The following SLC2A3 variants were observed in gnomAD, a reference collection of about 807,000 sequenced individuals.
The protein encoded by SLC2A3 is solute carrier family 2 member 3.
A neutral mutation model predicts 46.4 loss-of-function variants in SLC2A3; 21 were observed. The observed-to-expected ratio is 0.45, with a 90% confidence interval of 0.32 to 0.65. The LOEUF (loss-of-function observed/expected upper bound fraction) is 0.65. SLC2A3 is among the 30% of genes least tolerant of loss of function. SLC2A3 has a pLI of 0.04. For synonymous variants in SLC2A3, 213 were observed against 239.4 expected (o/e 0.89, Z 1.02); for missense variants, 499 against 623.3 (o/e 0.80, Z 2.12).
chr12:7,924,283 A>G, intron 8 of SLC2A3, 127 bp downstream of exon 8: 2 of 1,525,354 alleles, frequency 1.3e-6, no homozygotes. Flanking sequence ...AACTCTGGGC[A>G]TCCTGCTTCT....
Position 7,921,362 on chromosome 12 carries a change from G to C in SLC2A3, c.*51C>G. ...ATCCTGATGAGGTCTCTCCCTTGTT[G>C]AGGGAGAGGTGGCTTTCCCATGCCG... On this transcript the variant is annotated 3_prime_UTR_variant, in exon 10 of 10. Coordinates refer to ENST00000075120, the MANE Select transcript of SLC2A3 (RefSeq NM_006931.3). The C allele has an allele frequency of 6.2e-7, 1 of 1,613,452 alleles. No homozygotes were observed. Among genetic ancestry groups the C allele is most frequent in the South Asian group, 1.1e-5 (1 of 91,048 alleles).
In SLC2A3 at chr12:7,922,956, A is replaced by G; in HGVS notation, c.1137T>C (p.Ile379=). The G allele has an allele frequency of 6.2e-7, 1 of 1,614,140 alleles. No homozygotes were observed. Among genetic ancestry groups the G allele is most frequent in the Non-Finnish European group, 8.5e-7 (1 of 1,180,020 alleles). ...TAAACCAGGGAATGGGGCCTGGTCC[A>G]ATTTCAAAGAAGGCTACAAAGACCA... ...AILVFVAFFE[I]GPGPIPWFIV... is the part of the protein sequence containing the mutation. The change falls in exon 9 of 10, where the codon ATT becomes ATC. Residue 379 remains isoleucine, a synonymous_variant. Coordinates refer to ENST00000075120, the MANE Select transcript of SLC2A3 (RefSeq NM_006931.3).
Position 7,925,875 on chromosome 12 carries a change from C to G in SLC2A3, c.935G>C (p.Gly312Ala). The change falls in exon 7 of 10, where the codon GGT becomes GCT. Residue 312 changes from glycine (G) to alanine (A), a missense_variant. This residue lies in a region of SLC2A3 where 65 missense variants were observed against 88.4 expected (regional missense o/e 0.74). Coordinates refer to ENST00000075120, the MANE Select transcript of SLC2A3 (RefSeq NM_006931.3). ...QEPIYATIGA[G>A]VVNTIFTVVS... ...TACAGTGAAGATAGTATTAACCACA[C>G]CCGCGCCGATGGTGGCATAGATGGG... 6.2e-7 allele frequency: 1 copy of G among 1,613,674 alleles called. No individual in the cohort carries two copies.
At position 7,936,132 on chromosome 12, in the gene SLC2A3, C is replaced by T; in HGVS notation, c.-98G>A. On this transcript the variant is annotated 5_prime_UTR_variant, in exon 1 of 10. Transcript: ENST00000075120. The stretch of plus-strand genomic sequence containing the variant: ...ACCTTCAAAATGTCCTTCTCAGCAG[C>T]AAGTTTTCTCCACGTCCTCAGGAAG... 1.0e-6 allele frequency: 1 copy of T among 998,974 alleles called. No individual in the cohort carries two copies. Among genetic ancestry groups the T allele is most frequent in the Middle Eastern group, 2.5e-4 (1 of 4,030 alleles). 61.9% of individuals were successfully genotyped at this position (998,974 alleles called of 1,614,324 possible).
chr12:7,922,659 G>T (rs1946050170), intron 9 of SLC2A3, among the ~76,000 whole-genome samples, 162 bp downstream of exon 9: 1 of 152,054 alleles, frequency 6.6e-6, no homozygotes, highest in Non-Finnish European at 1.5e-5. Flanking sequence ...GGCCAGGCTG[G>T]TCTTGAACTC....
chr12:7,924,292 C>T (rs1946071573), intron 8 of SLC2A3, 118 bp downstream of exon 8: 1 of 1,532,280 alleles, frequency 6.5e-7, no homozygotes, highest in Non-Finnish European at 8.8e-7. Context: ...CATCCTGCTT[C>T]TCTCCTCTGA....
intron 1 of SLC2A3, among the ~76,000 whole-genome samples, chr12:7,935,618 C>T (rs1253562156): frequency 6.6e-6 from 1 of 152,124 alleles, no homozygotes; most frequent in Non-Finnish European, 1.5e-5. Flanking sequence ...ATGGCCAGAC[C>T]CTGGCCTGTG....
rs754750458 is a variant in SLC2A3, at chr12:7,925,714, C to A, written c.966+130G>T. 93 of 721,328 alleles carry A rather than the reference C, an allele frequency of 1.3e-4. 2 individuals are homozygous for A. The highest frequency in any genetic ancestry group is 1.9e-4 in the Non-Finnish European group (81 of 423,324). The allele number at this position is 721,328 out of a possible 1,614,324, so 44.7% of individuals were successfully genotyped here. A position where few individuals can be genotyped will look rare whatever the true frequency, so the allele number is the denominator to read the frequency against. ...AGACTACATCCAACATTAAATTTAT[C>A]TCTTTTTCCCAAAGGAAAATTAAGC... On this transcript the variant is annotated intron_variant, in intron 7 of 9. Coordinates refer to ENST00000075120, the MANE Select transcript of SLC2A3 (RefSeq NM_006931.3).
intron 8 of SLC2A3, among the ~76,000 whole-genome samples, chr12:7,923,622 A>C (rs1461851746): frequency 6.6e-6 from 1 of 151,846 alleles, no homozygotes; most frequent in Admixed American, 6.6e-5. Flanking sequence ...TCAAAAAAAA[A>C]ATTTTTTTTT....
chr12:7,927,068 T>C (rs759071635), intron 6 of SLC2A3, among the ~76,000 whole-genome samples: 2 of 152,290 alleles, frequency 1.3e-5, no homozygotes, highest in Admixed American at 1.3e-4. Context: ...TTTATGAATA[T>C]GGACCTCTAC....
intron 1 of SLC2A3, among the ~76,000 whole-genome samples, chr12:7,934,582 G>T (rs12812878): frequency 0.22 from 33,454 of 151,896 alleles, 3,762 homozygotes; most frequent in East Asian, 0.35. Context: ...GGGGAGAACC[G>T]GTCATCTTCA....
intron 8 of SLC2A3, among the ~76,000 whole-genome samples, chr12:7,923,450 C>G (rs1216762928): frequency 2.6e-5 from 4 of 152,158 alleles, no homozygotes; most frequent in African/African-American, 9.6e-5. Context: ...ACAGTCTCTA[C>G]TAAGAAGTAC....
rs1365913401 is a variant in SLC2A3 at position 7,920,596 on chromosome 12, TAA to T, written c.*815_*816del. 1 of 152,118 alleles carries T rather than the reference TAA, an allele frequency of 6.6e-6. No individual in the cohort carries two copies. Among genetic ancestry groups the T allele is most frequent in the African/African-American group, 2.4e-5 (1 of 41,382 alleles). 9.4% of individuals were successfully genotyped at this position (152,118 alleles called of 1,614,324 possible). A position where few individuals can be genotyped will look rare whatever the true frequency, so the allele number is the denominator to read the frequency against. On this transcript the variant is annotated 3_prime_UTR_variant, in exon 10 of 10. Coordinates refer to ENST00000075120, the MANE Select transcript of SLC2A3 (RefSeq NM_006931.3). ...TAGGTATATGACTTTTACGAGAAGT[TAA>T]AGAGTTTCCATCTGAAGGACAGAAA... is the stretch of plus-strand genomic sequence containing the variant.
chr12:7,927,331 A>T (rs1388291379), intron 6 of SLC2A3, among the ~76,000 whole-genome samples: 3 of 145,072 alleles, frequency 2.1e-5, no homozygotes, highest in Non-Finnish European at 4.4e-5. Context: ...CAGTTTAAAC[A>T]AGCAATAAAT....
chr12:7,921,348 G>GTC lies in SLC2A3; in HGVS notation c.*63_*64dup. The GTC allele has an allele frequency of 6.2e-7, 1 of 1,612,238 alleles. No individual in the cohort carries two copies. The highest frequency in any genetic ancestry group is 2.2e-5 in the East Asian group (1 of 44,854). ...AGCGTCCTGGGTTCATCCTGATGAGGTCTCTCCCTTGTTGAGGGAGAGGTG... is the reference window on the plus strand; with the variant it reads ...AGCGTCCTGGGTTCATCCTGATGAGGTCTCTCTCCCTTGTTGAGGGAGAGGTG... On this transcript the variant is annotated 3_prime_UTR_variant, in exon 10 of 10. Transcript: ENST00000075120.
chr12:7,922,172 C>T (rs1946043243), intron 9 of SLC2A3, among the ~76,000 whole-genome samples: 2 of 152,090 alleles, frequency 1.3e-5, no homozygotes, highest in Admixed American at 1.3e-4. Flanking sequence ...GTGTGTGCTA[C>T]CGCAATGGTG....
At chr12:7,924,258 G>A (rs1402972651) in intron 8 of SLC2A3, 152 bp downstream of exon 8, 33 of 1,338,410 alleles carry the variant, frequency 2.5e-5, no homozygotes, top group South Asian at 5.4e-5. Context: ...GTTCTCTGAC[G>A]ACCCATGTTT....
intron 7 of SLC2A3, among the ~76,000 whole-genome samples, chr12:7,925,180 G>A (rs1239303739): frequency 6.6e-6 from 1 of 152,220 alleles, no homozygotes; most frequent in Non-Finnish European, 1.5e-5. Flanking sequence ...TCATCTGGTT[G>A]TGTATTTCTG....
intron 3 of SLC2A3, among the ~76,000 whole-genome samples, chr12:7,932,041 C>T (rs1946161243): frequency 6.6e-6 from 1 of 151,828 alleles, no homozygotes; most frequent in Non-Finnish European, 1.5e-5. Context: ...CCACCACGCC[C>T]GGCTAATTTT....
Sources: allele counts gnomAD v4.1 joint callset (sites outside exome capture counted in the v4.1 genomes callset), GRCh38; gene constraint gnomAD v4.1.1; regional missense constraint gnomAD v4.1.1; transcripts MANE v1.5; gene names NCBI Gene and HGNC (gene_info 2026-07-23, HGNC 2026-07-21).